The following RAB7A variants were observed in gnomAD, a reference collection of about 807,000 sequenced individuals.
The protein encoded by RAB7A is RAB7A, member RAS oncogene family.
RAB7A carries 2 observed loss-of-function variants against 24.5 expected under a neutral mutation model. The observed-to-expected ratio is 0.08, with a 90% CI of 0.03 to 0.26. The LOEUF (loss-of-function observed/expected upper bound fraction) is 0.26, where lower values mean the gene tolerates loss of function less well. RAB7A is among the 10% of genes least tolerant of loss of function. RAB7A has a pLI of 1.00. For synonymous variants in RAB7A, 100 were observed against 95.9 expected, an observed-to-expected ratio of 1.04 and a Z score of -0.25; for missense variants, 118 against 255.7, an observed-to-expected ratio of 0.46 and a Z score of 3.67.
At chr3:128,758,427 T>G (rs2070749595) in intron 1 of RAB7A, among the ~76,000 whole-genome samples, 1 of 150,676 alleles carries the variant, frequency 6.6e-6, no homozygotes, top group African/African-American at 2.4e-5. Context: ...CGCCCGCCAC[T>G]ACGCCCAGCT....
At chr3:128,756,854 T>C (rs1192158336) in intron 1 of RAB7A, among the ~76,000 whole-genome samples, 1 of 151,682 alleles carries the variant, frequency 6.6e-6, no homozygotes, top group East Asian at 1.9e-4. Flanking sequence ...CTTTTTTTTT[T>C]TTTTTTTGAG....
intron 3 of RAB7A, among the ~76,000 whole-genome samples, chr3:128,801,803 A>G (rs1473577640): frequency 6.6e-6 from 1 of 152,216 alleles, no homozygotes; most frequent in Non-Finnish European, 1.5e-5. Context: ...GCACCAATCC[A>G]CTGACTCAAG....
intron 1 of RAB7A, chr3:128,764,493 G>A: frequency 6.3e-6 from 5 of 787,732 alleles, no homozygotes; most frequent in Non-Finnish European, 9.1e-6. Flanking sequence ...TGTCTCCCAG[G>A]GTGTTCTTGT....
At chr3:128,768,230 T>G (rs531820828) in intron 1 of RAB7A, among the ~76,000 whole-genome samples, 48 of 152,208 alleles carry the variant, frequency 3.2e-4, no homozygotes, top group Non-Finnish European at 4.1e-4. Context: ...TCGACATTAT[T>G]ATTTTATTTG....
intron 1 of RAB7A, among the ~76,000 whole-genome samples, chr3:128,750,198 T>C (rs1218445529): frequency 6.6e-6 from 1 of 152,240 alleles, no homozygotes; most frequent in East Asian, 1.9e-4. Flanking sequence ...ATTTTGCCCC[T>C]GACCTAGAAA....
intron 2 of RAB7A, among the ~76,000 whole-genome samples, chr3:128,795,751 C>CTT (rs71153147): frequency 0.012 from 499 of 43,044 alleles, 107 homozygotes; most frequent in East Asian, 0.034. Context: ...AGCAGATGTG[C>CTT]TTTTTTTTTT....
intron 3 of RAB7A, among the ~76,000 whole-genome samples, chr3:128,800,188 A>G (rs1180145933): frequency 6.6e-6 from 1 of 152,158 alleles, no homozygotes; most frequent in Non-Finnish European, 1.5e-5. Flanking sequence ...GCAACTATAG[A>G]AAAAAAAGAC....
At chr3:128,733,837 T>TA (rs1372645591) in intron 1 of RAB7A, among the ~76,000 whole-genome samples, 2 of 152,248 alleles carry the variant, frequency 1.3e-5, no homozygotes, top group Non-Finnish European at 2.9e-5. Flanking sequence ...GTTCACTTCA[T>TA]AAGAGTATCT....
At chr3:128,758,274 G>GT (rs35360318) in intron 1 of RAB7A, among the ~76,000 whole-genome samples, 45,684 of 126,654 alleles carry the variant, frequency 0.36, 8,246 homozygotes, top group African/African-American at 0.4. Context: ...TTGTTTTTTT[G>GT]TTTTTTTTTT....
intron 1 of RAB7A, among the ~76,000 whole-genome samples, chr3:128,793,265 C>A (rs1281921905): frequency 1.3e-5 from 2 of 152,114 alleles, no homozygotes; most frequent in Non-Finnish European, 2.9e-5. Context: ...TCATGATCCG[C>A]CCGCCTTGGC....
rs3830294 is a variant in RAB7A at position 128,813,585 on chromosome 3, TCACACACA to T, written c.*173_*180del. The T allele has an allele frequency of 9.5e-6, 6 of 630,158 alleles. No homozygotes were observed. The highest frequency in any genetic ancestry group is 1.6e-5 in the South Asian group (1 of 62,036). 39.0% of individuals were successfully genotyped at this position (630,158 alleles called of 1,614,324 possible). ...AACACAGTTACACCCCACATATCTC[TCACACACA>T]CACACACACGCACACACACACACAC... On this transcript the variant is annotated 3_prime_UTR_variant, in exon 6 of 6. Coordinates refer to ENST00000265062, the MANE Select transcript of RAB7A (RefSeq NM_004637.6).
chr3:128,751,951 T>G (rs1169959118), intron 1 of RAB7A, among the ~76,000 whole-genome samples: 1 of 152,180 alleles, frequency 6.6e-6, no homozygotes, highest in Admixed American at 6.6e-5. Context: ...GCACAAGCAT[T>G]CCTCTCTTTG....
At chr3:128,804,372 C>CT (rs561565122) in intron 3 of RAB7A, among the ~76,000 whole-genome samples, 13 of 152,206 alleles carry the variant, frequency 8.5e-5, no homozygotes, top group Non-Finnish European at 1.5e-4. Context: ...ACAGCTGCCC[C>CT]TTTCCTTTTG....
At chr3:128,757,504 TTTTA>T (rs1235254095) in intron 1 of RAB7A, among the ~76,000 whole-genome samples, 2 of 151,504 alleles carry the variant, frequency 1.3e-5, no homozygotes, top group South Asian at 2.1e-4. Context: ...AATAAAATAT[TTTTA>T]TTTATTTTAA....
chr3:128,743,859 G>A (rs959731394), intron 1 of RAB7A, among the ~76,000 whole-genome samples: 3 of 149,168 alleles, frequency 2.0e-5, no homozygotes, highest in Middle Eastern at 3.2e-3. Flanking sequence ...GCATGATTTC[G>A]GCTCACTGCA....
At chr3:128,783,710 C>T (rs1933271095) in intron 1 of RAB7A, among the ~76,000 whole-genome samples, 1 of 152,194 alleles carries the variant, frequency 6.6e-6, no homozygotes, top group South Asian at 2.1e-4. Context: ...CTTAGCTGCT[C>T]TCTGTACCTG....
At chr3:128,794,155 T>G (rs2107610435) in intron 1 of RAB7A, among the ~76,000 whole-genome samples, 1 of 152,334 alleles carries the variant, frequency 6.6e-6, no homozygotes, top group Middle Eastern at 3.4e-3. Flanking sequence ...CTGGATTACC[T>G]TGCCTAGGAG....
intron 1 of RAB7A, among the ~76,000 whole-genome samples, chr3:128,729,972 A>G (rs902737187): frequency 6.6e-6 from 1 of 152,020 alleles, no homozygotes; most frequent in African/African-American, 2.4e-5. Flanking sequence ...TTTTTTGGCT[A>G]TTGGCTTGCT....
chr3:128,794,377 T>A (rs530654092), intron 1 of RAB7A, among the ~76,000 whole-genome samples: 9 of 152,332 alleles, frequency 5.9e-5, no homozygotes, highest in African/African-American at 1.9e-4. Flanking sequence ...AACAGAGAAA[T>A]TAAATGACTG....
Sources: allele counts gnomAD v4.1 joint callset (sites outside exome capture counted in the v4.1 genomes callset), GRCh38; gene constraint gnomAD v4.1.1; transcripts MANE v1.5; gene names NCBI Gene and HGNC (gene_info 2026-07-23, HGNC 2026-07-21).